Variants in STAG1 observed in about 807,000 individuals in gnomAD.
STAG1 encodes cohesin subunit SA-1.
Under a neutral mutation model 170.9 loss-of-function variants are expected in STAG1, and 26 were observed. The ratio of observed to expected loss-of-function variants is 0.15; its 90% CI spans 0.11 to 0.21. The LOEUF (loss-of-function observed/expected upper bound fraction) is 0.21, where lower values mean the gene tolerates loss of function less well. Among genes scored for constraint, STAG1 ranks in the 10% least tolerant of loss-of-function variants. The pLI is 1.00. For synonymous variants in STAG1, 514 were observed against 497.7 expected (o/e 1.03, Z -0.44); for missense variants, 964 against 1,509.5 (o/e 0.64, Z 5.99).
intron 1 of STAG1, among the ~76,000 whole-genome samples, chr3:136,676,813 T>C (rs1942140990): frequency 6.6e-6 from 1 of 151,934 alleles, no homozygotes; most frequent in Non-Finnish European, 1.5e-5. Context: ...TTTCTTAGAC[T>C]TTTTTTATTT....
At position 136,730,419 on chromosome 3, in the gene STAG1, C is replaced by T. The variant is rs141114604; in HGVS notation, c.-84+21776G>A. Among the ~76,000 whole-genome samples, 65 of 152,264 alleles carry T rather than the reference C, an allele frequency of 4.3e-4. No homozygotes were observed. In the East Asian group the frequency reaches 9.8e-3, roughly 23 times the overall value. ...GACTTTAGAGTCACAAAAACCTGGA[C>T]TCAACCACTTTCCAGCTATGTAACA... is the stretch of plus-strand genomic sequence containing the variant. On this transcript the variant is annotated intron_variant, in intron 1 of 33. Transcript: ENST00000383202.
chr3:136,411,543 C>G (rs898650127), intron 21 of STAG1, among the ~76,000 whole-genome samples: 2 of 152,114 alleles, frequency 1.3e-5, no homozygotes, highest in Non-Finnish European at 2.9e-5. Flanking sequence ...TACACAACTG[C>G]AATCACTTTT....
chr3:136,703,077 A>G lies in STAG1; in HGVS notation c.-84+49118T>C, dbSNP rs1413403955. 4.6e-4 allele frequency among the ~76,000 whole-genome samples: 70 copies of G among 151,702 alleles called. 2 individuals are homozygous for G. Among genetic ancestry groups the G allele is most frequent in the Admixed American group, 4.4e-3 (67 of 15,218 alleles). On this transcript the variant is annotated intron_variant, in intron 1 of 33. Coordinates refer to ENST00000383202, the MANE Select transcript of STAG1 (RefSeq NM_005862.3). ...GGAAGACTCCATCTCAAAAAAAAAA[A>G]AAAAAAAAAAGTAAAGGCTGAGGTG...
chr3:136,506,418 G>A (rs750365379), intron 7 of STAG1, among the ~76,000 whole-genome samples: 6 of 148,846 alleles, frequency 4.0e-5, no homozygotes, highest in Non-Finnish European at 8.9e-5. Flanking sequence ...ATCACTGGAG[G>A]TCAGGAGTTC....
intron 4 of STAG1, among the ~76,000 whole-genome samples, chr3:136,570,225 C>T (rs1937218932): frequency 6.6e-6 from 1 of 152,104 alleles, no homozygotes. Flanking sequence ...CCATCCCCAG[C>T]ACAAAGGGTA....
intron 6 of STAG1, among the ~76,000 whole-genome samples, chr3:136,527,987 C>T (rs1417652181): frequency 1.3e-5 from 2 of 152,160 alleles, no homozygotes; most frequent in African/African-American, 2.4e-5. Flanking sequence ...ATGTGTCAGT[C>T]TGCCCCTATT....
chr3:136,738,281 G>A (rs941082112), intron 1 of STAG1, among the ~76,000 whole-genome samples: 6 of 149,526 alleles, frequency 4.0e-5, no homozygotes, highest in Non-Finnish European at 6.0e-5. Flanking sequence ...ACCTGAGGTC[G>A]GGAGTTCGAG....
intron 6 of STAG1, among the ~76,000 whole-genome samples, chr3:136,524,175 T>C (rs1934863063): frequency 6.6e-6 from 1 of 152,198 alleles, no homozygotes; most frequent in Non-Finnish European, 1.5e-5. Flanking sequence ...AATCTATAAA[T>C]TACCTTGGGC....
intron 27 of STAG1, 118 bp downstream of exon 27, chr3:136,359,030 T>C: frequency 3.5e-6 from 3 of 860,894 alleles, no homozygotes; most frequent in Non-Finnish European, 5.0e-6. Flanking sequence ...TAAACTAATC[T>C]CCAAAGTTCT....
intron 7 of STAG1, among the ~76,000 whole-genome samples, chr3:136,519,923 T>A (rs1934585563): frequency 6.6e-6 from 1 of 152,006 alleles, no homozygotes; most frequent in African/African-American, 2.4e-5. Context: ...GGGTAAAATA[T>A]CTCCCTCTCT....
chr3:136,449,055 C>T (rs901974702), intron 14 of STAG1, among the ~76,000 whole-genome samples: 8 of 152,116 alleles, frequency 5.3e-5, no homozygotes, highest in African/African-American at 1.9e-4. Context: ...GAGTAGAGCA[C>T]AATTGGAATA....
At chr3:136,512,772 G>C (rs556398277) in intron 7 of STAG1, among the ~76,000 whole-genome samples, 1 of 151,324 alleles carries the variant, frequency 6.6e-6, no homozygotes, top group Non-Finnish European at 1.5e-5. Context: ...CAGACTGCTC[G>C]ATAGTGATGC....
At chr3:136,639,151 A>G (rs185269127) in intron 1 of STAG1, among the ~76,000 whole-genome samples, 4 of 150,854 alleles carry the variant, frequency 2.7e-5, no homozygotes, top group East Asian at 1.9e-4. Flanking sequence ...TCTGGGCAAC[A>G]TAAGTAAGAC....
intron 1 of STAG1, among the ~76,000 whole-genome samples, chr3:136,686,635 A>G (rs1262271241): frequency 6.6e-6 from 1 of 152,218 alleles, no homozygotes. Flanking sequence ...CTAGTTTGAA[A>G]AACAGCTCTA....
chr3:136,370,217 A>G (rs1937255944), intron 23 of STAG1, among the ~76,000 whole-genome samples: 1 of 152,148 alleles, frequency 6.6e-6, no homozygotes, highest in South Asian at 2.1e-4. Context: ...ATGCATTATT[A>G]TCATAGGATA....
chr3:136,471,277 C>A (rs1171098218), intron 12 of STAG1, among the ~76,000 whole-genome samples: 1 of 151,974 alleles, frequency 6.6e-6, no homozygotes, highest in African/African-American at 2.4e-5. Context: ...AGTGATATAA[C>A]ATAGCAAAGT....
chr3:136,668,747 G>A (rs980061499), intron 1 of STAG1, among the ~76,000 whole-genome samples: 3 of 152,110 alleles, frequency 2.0e-5, no homozygotes, highest in Non-Finnish European at 4.4e-5. Context: ...TCACTGGGAG[G>A]GAGCTGCCTG....
chr3:136,700,576 C>T (rs1943026804), intron 1 of STAG1, among the ~76,000 whole-genome samples: 1 of 151,894 alleles, frequency 6.6e-6, no homozygotes, highest in South Asian at 2.1e-4. Context: ...CCCGCTACCA[C>T]GCCCGGCCAA....
chr3:136,403,224 TAAAAAAAAAAA>T (rs55678408), intron 21 of STAG1, among the ~76,000 whole-genome samples: 6 of 33,598 alleles, frequency 1.8e-4, no homozygotes, highest in South Asian at 1.9e-3. Flanking sequence ...GAGACTGTCT[TAAAAAAAAAAA>T]AAAAAAAAAA....
Sources: allele counts gnomAD v4.1 joint callset (sites outside exome capture counted in the v4.1 genomes callset), GRCh38; gene constraint gnomAD v4.1.1; transcripts MANE v1.5; gene names NCBI Gene and HGNC (gene_info 2026-07-23, HGNC 2026-07-21).